Variants in NCOR2 observed in about 807,000 individuals in gnomAD.
NCOR2 encodes the protein nuclear receptor corepressor 2.
In NCOR2, 81 loss-of-function variants were observed where a neutral mutation model predicts 262.9. The ratio of observed to expected loss-of-function variants is 0.31; its 90% CI spans 0.26 to 0.37. NCOR2 has a LOEUF of 0.37. Among genes scored for constraint, NCOR2 ranks in the 10% least tolerant of loss-of-function variants. The pLI is 1.00. For synonymous variants in NCOR2, 1,659 were observed against 1,559.3 expected (o/e 1.06, Z -1.51); for missense variants, 3,385 against 3,621.4 (o/e 0.93, Z 1.68).
exon 23 of NCOR2, chr12:124,356,653 TAGG>T: frequency 1.4e-6 from 2 of 1,442,202 alleles, no homozygotes; most frequent in Admixed American, 3.0e-5. Flanking sequence ...AGGTGGAGCG[TAGG>T]AGAAGGCTGA....
chr12:124,349,124 A>C (rs2037202796), intron 28 of NCOR2, among the ~76,000 whole-genome samples: 1 of 152,168 alleles, frequency 6.6e-6, no homozygotes, highest in African/African-American at 2.4e-5. Context: ...GGCAGTGGTG[A>C]GGGGTGGCAG....
chr12:124,426,492 G>A, intron 11 of NCOR2, 130 bp downstream of exon 13: 1 of 870,908 alleles, frequency 1.1e-6, no homozygotes, highest in Non-Finnish European at 1.6e-6. Flanking sequence ...ACAACCAGGA[G>A]AGAGTAAATC....
In NCOR2 at chr12:124,388,865, TGAGGGAGGGAGGGAGGGAGG is replaced by T. The variant is rs6144913; in HGVS notation, c.1877-2998_1877-2979del. On this transcript the variant is annotated intron_variant, in intron 16 of 46. Coordinates refer to ENST00000405201, the Ensembl canonical transcript of NCOR2. ...CCTCACATCCTTCTCCGTCCCACGG[TGAGGGAGGGAGGGAGGGAGG>T]GAGGGAGGGAGCGAGGGAGGGAGGG... The T allele has an allele frequency of 1.7e-3, 661 of 379,450 alleles. 34 individuals are homozygous for T. Among genetic ancestry groups the T allele is most frequent in the Middle Eastern group, 8.7e-3 (7 of 804 alleles). The allele number at this position is 379,450 out of a possible 1,614,324, so 23.5% of individuals were successfully genotyped here.
At chr12:124,472,956 T>A in exon 4 of NCOR2, 1 of 1,614,176 alleles carries the variant, frequency 6.2e-7, no homozygotes, top group South Asian at 1.1e-5. Flanking sequence ...TCACACCTGC[T>A]TCTTCTTCAG....
rs577535680 is a variant in NCOR2 at position 124,344,536 on chromosome 12, G to T, written c.4714+61C>A. On this transcript the variant is annotated intron_variant, in intron 32 of 46. Coordinates refer to ENST00000405201, the Ensembl canonical transcript of NCOR2. ...TGCAAACTAAGCTAATGGTGGATGGGGAGGCACAGCTTCTCCAGACAGGCG... is the reference window on the plus strand; with the variant it reads ...TGCAAACTAAGCTAATGGTGGATGGTGAGGCACAGCTTCTCCAGACAGGCG... 1.5e-5 allele frequency: 21 copies of T among 1,361,866 alleles called. No individual in the cohort carries two copies. In the African/African-American group the frequency reaches 2.8e-4, roughly 18 times the overall value. 84.4% of individuals were successfully genotyped at this position (1,361,866 alleles called of 1,614,324 possible). A position where few individuals can be genotyped will look rare whatever the true frequency, so the allele number is the denominator to read the frequency against.
intron 33 of NCOR2, among the ~76,000 whole-genome samples, chr12:124,342,718 C>G (rs1426188890): frequency 6.6e-6 from 1 of 152,212 alleles, no homozygotes; most frequent in Non-Finnish European, 1.5e-5. Context: ...TGCATATACT[C>G]AAGTCCTCAT....
chr12:124,563,909 C>T (rs2052149995), intron 1 of NCOR2, among the ~76,000 whole-genome samples: 1 of 152,274 alleles, frequency 6.6e-6, no homozygotes, highest in Admixed American at 6.5e-5. Flanking sequence ...GCTGCACTAA[C>T]ACGACCGTGA....
rs1197009810 is a variant in NCOR2, at chr12:124,548,166, C to G, written c.-164-12555G>C. Among the ~76,000 whole-genome samples the G allele has an allele frequency of 1.3e-5, 2 of 152,064 alleles. No individual in the cohort carries two copies. Among genetic ancestry groups the G allele is most frequent in the African/African-American group, 4.8e-5 (2 of 41,404 alleles). ...CATCACATCAGGCCTCCTAAACGTG[C>G]ACTGAGCTGGGACCTGAATGGCAGC... On this transcript the variant is annotated intron_variant, in intron 1 of 32. Coordinates refer to the NCOR2 transcript ENST00000458234. The surrounding 1 kb of genome is among the most constrained non-coding windows in gnomAD (Gnocchi z 5.1).
At chr12:124,330,023 T>A (rs1452838956) in intron 44 of NCOR2, among the ~76,000 whole-genome samples, 3 of 152,164 alleles carry the variant, frequency 2.0e-5, no homozygotes, top group Non-Finnish European at 4.4e-5. Flanking sequence ...CCTGATAATA[T>A]CTGAACGACT....
At position 124,346,995 on chromosome 12, in the gene NCOR2, G is replaced by A. The variant is rs1046286424; in HGVS notation, c.4073-145C>T. The A allele has an allele frequency of 7.2e-6, 7 of 970,730 alleles. No individual in the cohort carries two copies. The Admixed American group carries it at 2.4e-4, about 34-fold the overall frequency. 60.1% of individuals were successfully genotyped at this position (970,730 alleles called of 1,614,324 possible). A position where few individuals can be genotyped will look rare whatever the true frequency, so the allele number is the denominator to read the frequency against. On this transcript the variant is annotated intron_variant, in intron 30 of 46. Coordinates refer to ENST00000405201, the Ensembl canonical transcript of NCOR2. ...CTTGACCAGGAAATCTGACCTCTCT[G>A]GGCCTCAGCTTCTTCACACATAAAA...
chr12:124,431,535 G>C (rs1382662903), intron 8 of NCOR2, among the ~76,000 whole-genome samples: 1 of 147,462 alleles, frequency 6.8e-6, no homozygotes. Context: ...GATATACACA[G>C]GCACACATAC....
intron 1 of NCOR2, among the ~76,000 whole-genome samples, chr12:124,486,834 C>G (rs1037016002): frequency 6.6e-6 from 1 of 152,200 alleles, no homozygotes; most frequent in African/African-American, 2.4e-5. Flanking sequence ...CGATCACGCC[C>G]ACCTTCCAAA....
intron 20 of NCOR2, among the ~76,000 whole-genome samples, chr12:124,369,792 C>T (rs1376786506): frequency 2.0e-5 from 3 of 152,072 alleles, no homozygotes; most frequent in Non-Finnish European, 4.4e-5. Context: ...GGTGGACGTA[C>T]GCCAGGCCCA....
At position 124,335,552 on chromosome 12, in the gene NCOR2, C is replaced by T. The variant is rs769263515; in HGVS notation, c.6196G>A (p.Gly2066Arg). The T allele has an allele frequency of 2.2e-5, 35 of 1,609,374 alleles. No homozygotes were observed. Among genetic ancestry groups the T allele is most frequent in the Non-Finnish European group, 5.1e-6 (6 of 1,179,852 alleles). The stretch of plus-strand genomic sequence containing the variant: ...AGCTCTTCCAGGTGCTTGGGGAGCC[C>T]CTTGTCGTGGGTCAGACTGGGTGAG... Residue 2066 changes from glycine (G) to arginine (R), a missense_variant, in exon 39 of 47, where the codon GGG becomes AGG. This residue lies in a region of NCOR2 where 1,017 missense variants were observed against 967.2 expected (regional missense o/e 1.05). Coordinates refer to ENST00000405201, the Ensembl canonical transcript of NCOR2.
At chr12:124,522,108 C>T (rs2050221674) in intron 1 of NCOR2, among the ~76,000 whole-genome samples, 1 of 152,202 alleles carries the variant, frequency 6.6e-6, no homozygotes, top group African/African-American at 2.4e-5. Flanking sequence ...GGGTCCAACT[C>T]CCAGCAGGTA....
At chr12:124,516,477 T>TGA (rs1330963193) in intron 1 of NCOR2, among the ~76,000 whole-genome samples, 2 of 152,176 alleles carry the variant, frequency 1.3e-5, no homozygotes, top group Non-Finnish European at 2.9e-5. Flanking sequence ...CTACAAAACA[T>TGA]GAGAGCTCTC....
intron 8 of NCOR2, among the ~76,000 whole-genome samples, chr12:124,433,662 T>A (rs1565940007): frequency 6.6e-6 from 1 of 152,176 alleles, no homozygotes; most frequent in Non-Finnish European, 1.5e-5. Context: ...TGCTGTAGCC[T>A]GTGCCTATGT....
rs373968941 is a variant in NCOR2 at position 124,327,623 on chromosome 12, G to A, written c.6969C>T (p.Thr2323=). Residue 2323 remains threonine, a synonymous_variant, in exon 45 of 47, where the codon ACC becomes ACT. Transcript: ENST00000405201. ...GTTCCTGCACCGCCTGGCTTCTATA[G>A]GTCATAAGGCCTGGGAGAGAGAGAC... The A allele has an allele frequency of 3.5e-5, 56 of 1,608,182 alleles. No homozygotes were observed. In the African/African-American group the frequency reaches 7.0e-4, roughly 20 times the overall value.
At chr12:124,526,697 C>T (rs773190024) in intron 1 of NCOR2, among the ~76,000 whole-genome samples, 37 of 152,278 alleles carry the variant, frequency 2.4e-4, no homozygotes, top group South Asian at 1.2e-3. Flanking sequence ...AGCAAGAACC[C>T]CAGCAAAGCC....
Sources: allele counts gnomAD v4.1 joint callset (sites outside exome capture counted in the v4.1 genomes callset), GRCh38; gene constraint gnomAD v4.1.1; regional missense constraint gnomAD v4.1.1; non-coding constraint Gnocchi (gnomAD v3.1); transcripts MANE v1.5; gene names NCBI Gene and HGNC (gene_info 2026-07-23, HGNC 2026-07-21).